Variants in KCNK10 observed in about 807,000 individuals in gnomAD.
KCNK10 encodes potassium two pore domain channel subfamily K member 10, also known as potassium channel subfamily K member 10.
KCNK10 carries 25 observed loss-of-function variants against 47.7 expected under a neutral mutation model. The ratio of observed to expected loss-of-function variants is 0.52; its 90% CI spans 0.38 to 0.73. The LOEUF (loss-of-function observed/expected upper bound fraction) is 0.73. Among genes scored for constraint, KCNK10 ranks in the 30% least tolerant of loss-of-function variants. The probability of loss-of-function intolerance (pLI) is 0.00; values close to 1 mark genes in which losing one functional copy is unlikely to be tolerated. For synonymous variants in KCNK10, 303 were observed against 285.6 expected, an observed-to-expected ratio of 1.06 and a Z score of -0.61; for missense variants, 563 against 714.5, an observed-to-expected ratio of 0.79 and a Z score of 2.42.
chr14:88,210,545 T>C (rs1469388856), intron 4 of KCNK10, among the ~76,000 whole-genome samples: 1 of 152,198 alleles, frequency 6.6e-6, no homozygotes, highest in African/African-American at 2.4e-5. Context: ...GTCATCCGTA[T>C]GCAGAGGCCC....
chr14:88,224,612 T>G (rs181625796), intron 4 of KCNK10, among the ~76,000 whole-genome samples: 155 of 152,326 alleles, frequency 1.0e-3, no homozygotes, highest in Admixed American at 2.2e-3. Context: ...TTACTTTATT[T>G]ATTGATTGAT....
intron 4 of KCNK10, among the ~76,000 whole-genome samples, chr14:88,219,229 G>C (rs1885718983): frequency 6.6e-6 from 1 of 152,198 alleles, no homozygotes; most frequent in Non-Finnish European, 1.5e-5. Flanking sequence ...GTGCATCTTA[G>C]AGCATATGAA....
chr14:88,223,049 C>A (rs1267122891), intron 4 of KCNK10, among the ~76,000 whole-genome samples: 2 of 152,188 alleles, frequency 1.3e-5, no homozygotes, highest in Non-Finnish European at 2.9e-5. Flanking sequence ...CTCTGACAAA[C>A]AGAGTCAGGG....
intron 3 of KCNK10, among the ~76,000 whole-genome samples, chr14:88,237,713 T>C (rs984658382): frequency 5.3e-5 from 8 of 152,088 alleles, no homozygotes; most frequent in African/African-American, 1.9e-4. Flanking sequence ...TTTTTCTGAG[T>C]AGTAGATCTC....
chr14:88,193,078 T>C (rs566630716), intron 4 of KCNK10, among the ~76,000 whole-genome samples: 86 of 152,314 alleles, frequency 5.6e-4, no homozygotes, highest in African/African-American at 2.0e-3. Context: ...GCTGTGATCA[T>C]CATGTGTGTT....
At chr14:88,281,752 A>ATG (rs57289745) in intron 1 of KCNK10, among the ~76,000 whole-genome samples, 3 of 149,298 alleles carry the variant, frequency 2.0e-5, no homozygotes, top group African/African-American at 7.4e-5. Flanking sequence ...ATATATATAT[A>ATG]CACATACACA....
intron 2 of KCNK10, among the ~76,000 whole-genome samples, chr14:88,255,004 G>A (rs1397030160): frequency 6.6e-6 from 1 of 152,132 alleles, no homozygotes; most frequent in African/African-American, 2.4e-5. Flanking sequence ...ATGAGGAGGG[G>A]CCTTAGGTTT....
intron 4 of KCNK10, among the ~76,000 whole-genome samples, chr14:88,208,227 C>G (rs987553652): frequency 6.6e-6 from 1 of 152,190 alleles, no homozygotes; most frequent in African/African-American, 2.4e-5. Context: ...ATTAAAGGCA[C>G]ATGATCATTT....
chr14:88,323,141 T>C lies in KCNK10; in HGVS notation c.-343A>G. The C allele has an allele frequency of 8.7e-7, 1 of 1,151,264 alleles. No individual in the cohort carries two copies. Among genetic ancestry groups the C allele is most frequent in the Non-Finnish European group, 1.1e-6 (1 of 927,614 alleles). The allele number at this position is 1,151,264 out of a possible 1,614,324, so 71.3% of individuals were successfully genotyped here. ...CTTCCCAAAAGCGGTGCCGGCAGGT[T>C]AGGGGCTGCGCAGCCTGAAGGCTGG... On this transcript the variant is annotated 5_prime_UTR_variant, in exon 1 of 7. Coordinates refer to ENST00000319231, the MANE Select transcript of KCNK10 (RefSeq NM_138317.3).
chr14:88,292,024 G>A (rs373637343), intron 1 of KCNK10, among the ~76,000 whole-genome samples: 1 of 152,350 alleles, frequency 6.6e-6, no homozygotes, highest in South Asian at 2.1e-4. Context: ...CATCATCCAT[G>A]TCTGTAGAGG....
rs1010143787 is a variant in KCNK10, at chr14:88,182,522, G to T, written c.*3013C>A. On this transcript the variant is annotated 3_prime_UTR_variant, in exon 7 of 7. Coordinates refer to ENST00000319231, the MANE Select transcript of KCNK10 (RefSeq NM_138317.3). ...GAATCCAACCTCTTATTCTCTCTCAGCATCTTTGCGAGAGTATTTCATAGG... is the reference window on the plus strand; with the variant it reads ...GAATCCAACCTCTTATTCTCTCTCATCATCTTTGCGAGAGTATTTCATAGG... 2 of 152,314 alleles carry T rather than the reference G, an allele frequency of 1.3e-5. No individual in the cohort carries two copies. Among genetic ancestry groups the T allele is most frequent in the East Asian group, 3.7e-4 (2 of 5,334 alleles). The allele number at this position is 152,314 out of a possible 1,614,324, so 9.4% of individuals were successfully genotyped here.
At chr14:88,206,720 CAG>C (rs1885287454) in intron 4 of KCNK10, among the ~76,000 whole-genome samples, 1 of 152,234 alleles carries the variant, frequency 6.6e-6, no homozygotes, top group African/African-American at 2.4e-5. Context: ...GGTTTCATAA[CAG>C]AGCACCTATT....
intron 4 of KCNK10, among the ~76,000 whole-genome samples, chr14:88,199,542 G>C (rs1200882167): frequency 6.6e-6 from 1 of 152,120 alleles, no homozygotes; most frequent in Non-Finnish European, 1.5e-5. Flanking sequence ...GCAGTGTTAG[G>C]GTTCTCATGT....
intron 2 of KCNK10, among the ~76,000 whole-genome samples, chr14:88,245,611 T>C (rs920095320): frequency 6.6e-6 from 1 of 152,192 alleles, no homozygotes; most frequent in Non-Finnish European, 1.5e-5. Context: ...TAACTGTCTG[T>C]GGCTTTTCTC....
At chr14:88,318,615 G>A (rs1466242647) in intron 1 of KCNK10, among the ~76,000 whole-genome samples, 1 of 152,156 alleles carries the variant, frequency 6.6e-6, no homozygotes, top group African/African-American at 2.4e-5. Context: ...ATAAGCAGTG[G>A]GAATTCCAAG....
intron 4 of KCNK10, among the ~76,000 whole-genome samples, chr14:88,218,150 C>T (rs747050661): frequency 6.6e-6 from 1 of 152,220 alleles, no homozygotes; most frequent in Non-Finnish European, 1.5e-5. Flanking sequence ...TGGACCACTG[C>T]GCCTGCCTCT....
At chr14:88,308,884 AT>A (rs1888255900) in intron 1 of KCNK10, among the ~76,000 whole-genome samples, 1 of 152,174 alleles carries the variant, frequency 6.6e-6, no homozygotes, top group South Asian at 2.1e-4. Context: ...CATATTAAGC[AT>A]TTTTGCCAAG....
At chr14:88,222,777 C>T (rs1885859849) in intron 4 of KCNK10, among the ~76,000 whole-genome samples, 1 of 152,106 alleles carries the variant, frequency 6.6e-6, no homozygotes, top group Non-Finnish European at 1.5e-5. Flanking sequence ...TGAAAACGTG[C>T]TATTTGGTCA....
At chr14:88,205,704 C>T (rs1397226553) in intron 4 of KCNK10, among the ~76,000 whole-genome samples, 1 of 151,784 alleles carries the variant, frequency 6.6e-6, no homozygotes, top group Non-Finnish European at 1.5e-5. Context: ...ACCACCATGC[C>T]CAGCTAATTT....
Sources: gnomAD v4.1 joint callset for allele counts (sites outside exome capture counted in the v4.1 genomes callset) on GRCh38, gnomAD v4.1.1 for gene constraint, MANE v1.5 for transcripts, NCBI Gene and HGNC (gene_info 2026-07-23, HGNC 2026-07-21) for gene names.